GLCCI1: variants seen among roughly 807,000 people sequenced by gnomAD.
GLCCI1 encodes glucocorticoid induced 1, also known as glucocorticoid-induced transcript 1 protein.
GLCCI1 carries 24 observed loss-of-function variants against 52.2 expected under a neutral mutation model. The ratio of observed to expected loss-of-function variants is 0.46; its 90% confidence interval spans 0.33 to 0.65. The LOEUF is 0.65. Ranked by LOEUF, GLCCI1 falls within the 30% of genes least tolerant of loss-of-function variation. The pLI is 0.02. For synonymous variants in GLCCI1, 310 were observed against 276.5 expected, an observed-to-expected ratio of 1.12 and a Z score of -1.20; for missense variants, 704 against 701.5, an observed-to-expected ratio of 1.00 and a Z score of -0.04.
In GLCCI1 at chr7:8,088,887, C is replaced by G. The variant is rs1377526857; in HGVS notation, c.*2349C>G. The G allele has an allele frequency of 1.3e-5, 2 of 152,654 alleles. No individual in the cohort carries two copies. The highest frequency in any genetic ancestry group is 2.9e-5 in the Non-Finnish European group (2 of 68,044). 9.5% of individuals were successfully genotyped at this position (152,654 alleles called of 1,614,324 possible). A position where few individuals can be genotyped will look rare whatever the true frequency, so the allele number is the denominator to read the frequency against. On this transcript the variant is annotated 3_prime_UTR_variant, in exon 8 of 8. Transcript: ENST00000223145. ...GAGCTCAAATGTATCCTACATCCAG[C>G]TGTAGAAATTTGTCAGAAATTGTTT...
At chr7:8,009,398 G>A (rs1315409132) in intron 2 of GLCCI1, among the ~76,000 whole-genome samples, 1 of 152,088 alleles carries the variant, frequency 6.6e-6, no homozygotes, top group Non-Finnish European at 1.5e-5. Context: ...TTGTAAAGTG[G>A]TCAAGTAATA....
chr7:8,084,558 C>G (rs897977771), intron 6 of GLCCI1: 1 of 183,554 alleles, frequency 5.4e-6, no homozygotes, highest in Non-Finnish European at 1.1e-5. Context: ...TTTTATTCTT[C>G]TGTGTGACTT....
At chr7:8,079,548 CAT>C (rs1421819456) in intron 6 of GLCCI1, among the ~76,000 whole-genome samples, 4 of 151,532 alleles carry the variant, frequency 2.6e-5, no homozygotes, top group South Asian at 2.1e-4. Flanking sequence ...TTTTAATTGT[CAT>C]ATCAGATTTA....
intron 1 of GLCCI1, among the ~76,000 whole-genome samples, chr7:7,982,524 C>T (rs903551361): frequency 2.6e-5 from 4 of 152,094 alleles, no homozygotes; most frequent in Non-Finnish European, 5.9e-5. Flanking sequence ...TACAAAAATA[C>T]ATAAACGTGT....
In GLCCI1 at chr7:8,060,110, G is replaced by T. The variant is rs553997113; in HGVS notation, c.828G>T (p.Arg276Ser). Reference sequence around the variant, plus strand: ...TTATCTCATAGGCTACTGGATCAAGGTCAGTTCCTATGCCACTGTCAAATA... The same window carrying T: ...TTATCTCATAGGCTACTGGATCAAGTTCAGTTCCTATGCCACTGTCAAATA... ...TISHTQATGS[R>S]SVPMPLSNIS... Residue 276 changes from arginine (R) to serine (S), a missense_variant, in exon 5 of 8, where the codon AGG becomes AGT. By Grantham distance (110) the Arg-to-Ser change is moderately radical. Around this residue, in one of 3 missense-constraint regions of GLCCI1, gnomAD observed 547 missense variants for 524.8 expected, o/e 1.04. Transcript: ENST00000223145. 1.2e-6 allele frequency: 2 copies of T among 1,612,976 alleles called. No homozygotes were observed.
At chr7:8,002,946 T>G (rs2115426155) in intron 1 of GLCCI1, among the ~76,000 whole-genome samples, 1 of 152,350 alleles carries the variant, frequency 6.6e-6, no homozygotes, top group Admixed American at 6.5e-5. Context: ...CTGTAGATTT[T>G]GGGTTCTTTT....
Position 8,086,805 on chromosome 7 carries a change from T to A in GLCCI1, c.*267T>A. 2.8e-6 allele frequency: 1 copy of A among 356,902 alleles called. No homozygotes were observed. The highest frequency in any genetic ancestry group is 5.0e-6 in the Non-Finnish European group (1 of 198,368). The allele number at this position is 356,902 out of a possible 1,614,324, so 22.1% of individuals were successfully genotyped here. A position where few individuals can be genotyped will look rare whatever the true frequency, so the allele number is the denominator to read the frequency against. On this transcript the variant is annotated 3_prime_UTR_variant, in exon 8 of 8. Coordinates refer to ENST00000223145, the MANE Select transcript of GLCCI1 (RefSeq NM_138426.4). The surrounding 1 kb of genome is among the most constrained non-coding windows in gnomAD (Gnocchi z 4.4). ...CATAGTATATTTGACAGATTAGTACTGTGTCCTGTGTTTTGTTCCAGATTC... is the reference window on the plus strand; with the variant it reads ...CATAGTATATTTGACAGATTAGTACAGTGTCCTGTGTTTTGTTCCAGATTC...
intron 5 of GLCCI1, among the ~76,000 whole-genome samples, chr7:8,060,829 G>C (rs1220155164): frequency 1.3e-5 from 2 of 152,020 alleles, no homozygotes; most frequent in Non-Finnish European, 2.9e-5. Context: ...TTTCTCTTGG[G>C]TATATACCTA....
rs182286459 is a variant in GLCCI1 at position 8,037,302 on chromosome 7, C to T, written c.696+14733C>T. Among the ~76,000 whole-genome samples, 11 of 152,234 alleles carry T rather than the reference C, an allele frequency of 7.2e-5. No individual in the cohort carries two copies. In the East Asian group the frequency reaches 1.3e-3, roughly 19 times the overall value. On this transcript the variant is annotated intron_variant, in intron 3 of 7. Coordinates refer to ENST00000223145, the MANE Select transcript of GLCCI1 (RefSeq NM_138426.4). The stretch of plus-strand genomic sequence containing the variant: ...ATTTTGTATGCTGGTAAACTCAGCT[C>T]GGTAAGTGAAGGGGAAATAGTATTT...
intron 1 of GLCCI1, among the ~76,000 whole-genome samples, chr7:7,974,434 C>T (rs915064727): frequency 3.9e-5 from 6 of 152,206 alleles, no homozygotes; most frequent in Admixed American, 3.9e-4. Flanking sequence ...TTATTAATTA[C>T]AGTACTTTTT....
Position 8,088,424 on chromosome 7 carries a change from C to G in GLCCI1, c.*1886C>G, listed in dbSNP as rs549144659. On this transcript the variant is annotated 3_prime_UTR_variant, in exon 8 of 8. Coordinates refer to ENST00000223145, the MANE Select transcript of GLCCI1 (RefSeq NM_138426.4). ...TGGAAAAAAGGACTCAGTTTACTTT[C>G]GTCATTTTCACAGGGGAACCTTTTA... 6.6e-6 allele frequency: 1 copy of G among 152,592 alleles called. No homozygotes were observed. Among genetic ancestry groups the G allele is most frequent in the African/African-American group, 2.4e-5 (1 of 41,508 alleles). 9.5% of individuals were successfully genotyped at this position (152,592 alleles called of 1,614,324 possible). A position where few individuals can be genotyped will look rare whatever the true frequency, so the allele number is the denominator to read the frequency against.
At chr7:8,012,483 C>T (rs11766472) in intron 2 of GLCCI1, among the ~76,000 whole-genome samples, 1 of 111,010 alleles carries the variant, frequency 9.0e-6, no homozygotes, top group East Asian at 2.9e-4. Flanking sequence ...CTTGCTCTGT[C>T]ACCCAGGCTG....
intron 2 of GLCCI1, among the ~76,000 whole-genome samples, chr7:8,020,256 A>C (rs2127947880): frequency 1.3e-5 from 2 of 152,270 alleles, no homozygotes; most frequent in Middle Eastern, 6.8e-3. Flanking sequence ...TCAAGACATC[A>C]CTAGGTAATA....
At chr7:7,973,344 G>T (rs182330542) in intron 1 of GLCCI1, among the ~76,000 whole-genome samples, 1 of 151,542 alleles carries the variant, frequency 6.6e-6, no homozygotes, top group Non-Finnish European at 1.5e-5. Flanking sequence ...AGAACCCATG[G>T]ATTTAAACAT....
chr7:7,987,343 T>C (rs1461896925), intron 1 of GLCCI1, among the ~76,000 whole-genome samples: 1 of 152,206 alleles, frequency 6.6e-6, no homozygotes, highest in South Asian at 2.1e-4. Flanking sequence ...TCCTGACGTT[T>C]CCAGGTAAAG....
intron 1 of GLCCI1, among the ~76,000 whole-genome samples, chr7:7,988,252 C>T (rs962569147): frequency 6.6e-6 from 1 of 152,232 alleles, no homozygotes; most frequent in Non-Finnish European, 1.5e-5. Flanking sequence ...ACTAGTGTTA[C>T]GTGTTTTAAT....
At chr7:7,996,933 C>T (rs1456306994) in intron 1 of GLCCI1, among the ~76,000 whole-genome samples, 1 of 152,212 alleles carries the variant, frequency 6.6e-6, no homozygotes, top group African/African-American at 2.4e-5. Context: ...ATAGCATATT[C>T]ACAACTTGTG....
At chr7:8,085,050 G>A in intron 7 of GLCCI1, 33 bp downstream of exon 7, 3 of 1,611,386 alleles carry the variant, frequency 1.9e-6, no homozygotes, top group Non-Finnish European at 1.7e-6. Flanking sequence ...GCTGGGATCT[G>A]CAAAGCTGTA....
At chr7:8,051,609 C>T (rs1782260280) in intron 3 of GLCCI1, among the ~76,000 whole-genome samples, 1 of 152,206 alleles carries the variant, frequency 6.6e-6, no homozygotes, top group South Asian at 2.1e-4. Context: ...ACCCTTCACC[C>T]CCAGCAGTGG....
Sources: allele counts gnomAD v4.1 joint callset (sites outside exome capture counted in the v4.1 genomes callset), GRCh38; gene constraint gnomAD v4.1.1; regional missense constraint gnomAD v4.1.1; non-coding constraint Gnocchi (gnomAD v3.1); transcripts MANE v1.5; gene names NCBI Gene and HGNC (gene_info 2026-07-23, HGNC 2026-07-21).